GALNT9: variants seen among roughly 807,000 people sequenced by gnomAD.
GALNT9 encodes polypeptide N-acetylgalactosaminyltransferase 9.
Under a neutral mutation model 63.1 loss-of-function variants are expected in GALNT9, and 47 were observed. That is an observed-to-expected ratio of 0.75 (90% CI 0.59 to 0.95). The LOEUF (loss-of-function observed/expected upper bound fraction) is 0.95, where lower values mean the gene tolerates loss of function less well. Ranked by LOEUF, GALNT9 falls within the 40% of genes least tolerant of loss-of-function variation. GALNT9 has a pLI of 0.00. For synonymous variants in GALNT9, 396 were observed against 365.7 expected (o/e 1.08, Z -0.94); for missense variants, 829 against 874.8 (o/e 0.95, Z 0.66).
At chr12:132,325,510 A>T (rs1320538082) in intron 1 of GALNT9, among the ~76,000 whole-genome samples, 2 of 152,182 alleles carry the variant, frequency 1.3e-5, no homozygotes, top group East Asian at 3.9e-4. Context: ...ATGAGCGTGC[A>T]ATGAGCGTGC....
intron 6 of GALNT9, among the ~76,000 whole-genome samples, chr12:132,228,843 G>C (rs1877797344): frequency 6.6e-6 from 1 of 152,184 alleles, no homozygotes; most frequent in Non-Finnish European, 1.5e-5. Context: ...AGACGCGATG[G>C]ACTCATTTTC....
intron 5 of GALNT9, 140 bp from the exon 6 acceptor site, chr12:132,248,167 C>T: frequency 7.5e-7 from 1 of 1,328,264 alleles, no homozygotes; most frequent in Non-Finnish European, 1.0e-6. Flanking sequence ...GGTCCCTGTG[C>T]TCAAGGTGAG....
Position 132,286,593 on chromosome 12 carries a change from G to T in GALNT9, c.239-163C>A. Reference sequence around the variant, plus strand: ...CTGCCAGCTCAGGACATTCCAGAAAGTGCAAGGCTGTGCGCGGAGTGAGAG... The same window carrying T: ...CTGCCAGCTCAGGACATTCCAGAAATTGCAAGGCTGTGCGCGGAGTGAGAG... On this transcript the variant is annotated intron_variant, in intron 1 of 10. Transcript: ENST00000328957. This position sits in a 1 kb window ranked among gnomAD's most constrained non-coding sequence, Gnocchi z 7.4. The T allele has an allele frequency of 1.7e-6, 2 of 1,198,038 alleles. No homozygotes were observed. The highest frequency in any genetic ancestry group is 2.3e-6 in the Non-Finnish European group (2 of 885,674). 74.2% of individuals were successfully genotyped at this position (1,198,038 alleles called of 1,614,324 possible).
chr12:132,271,082 C>T (rs1264336424), intron 2 of GALNT9, among the ~76,000 whole-genome samples: 5 of 152,330 alleles, frequency 3.3e-5, no homozygotes, highest in East Asian at 1.9e-4. Flanking sequence ...CCATGACAGA[C>T]GCTGCGCCCG....
Position 132,295,809 on chromosome 12 carries a change from C to T in GALNT9, c.239-9379G>A, listed in dbSNP as rs537662620. 8.0e-5 allele frequency among the ~76,000 whole-genome samples: 11 copies of T among 137,166 alleles called. 1 individual carries two copies. Among genetic ancestry groups the T allele is most frequent in the African/African-American group, 2.6e-4 (9 of 35,200 alleles). The allele number at this position is 137,166 out of a possible 152,430, so 90.0% of individuals were successfully genotyped here. On this transcript the variant is annotated intron_variant, in intron 1 of 10. Coordinates refer to ENST00000328957, the MANE Select transcript of GALNT9 (RefSeq NM_001122636.2). ...ACAGCCTCTGAACAGGGACGGCCTC[C>T]GGAACAGGGAGAGCCTCCGAACAGG...
At chr12:132,323,822 C>T (rs1228696646) in intron 1 of GALNT9, among the ~76,000 whole-genome samples, 1 of 152,212 alleles carries the variant, frequency 6.6e-6, no homozygotes, top group African/African-American at 2.4e-5. Context: ...GGGGCGGGGG[C>T]CCGGAAGTTA....
chr12:132,322,153 C>T (rs113676077), intron 1 of GALNT9, among the ~76,000 whole-genome samples: 14 of 152,336 alleles, frequency 9.2e-5, no homozygotes, highest in South Asian at 6.2e-4. Flanking sequence ...TCCAGGTGGA[C>T]GTGAGCTTCC....
chr12:132,221,805 G>C (rs1593070835), intron 6 of GALNT9, among the ~76,000 whole-genome samples: 1 of 152,212 alleles, frequency 6.6e-6, no homozygotes, highest in East Asian at 1.9e-4. Flanking sequence ...AGCCGTTCCT[G>C]GTACTGCGCT....
At chr12:132,213,433 C>T (rs1254362877) in intron 6 of GALNT9, among the ~76,000 whole-genome samples, 3 of 151,970 alleles carry the variant, frequency 2.0e-5, no homozygotes, top group Non-Finnish European at 2.9e-5. Context: ...ATCACTCAGT[C>T]AAGCATACAC....
At chr12:132,258,455 C>T (rs1295138078) in intron 4 of GALNT9, among the ~76,000 whole-genome samples, 2 of 149,560 alleles carry the variant, frequency 1.3e-5, no homozygotes, top group East Asian at 1.9e-4. Context: ...GTGGAACCTG[C>T]ATGAGTGTGC....
intron 1 of GALNT9, among the ~76,000 whole-genome samples, chr12:132,307,669 T>TA (rs35267743): frequency 0.3 from 42,581 of 140,142 alleles, 6,581 homozygotes; most frequent in South Asian, 0.39. Context: ...TCATCTCTAC[T>TA]AAAAAAAAAA....
At chr12:132,271,646 A>G (rs1282982940) in intron 2 of GALNT9, among the ~76,000 whole-genome samples, 1 of 152,146 alleles carries the variant, frequency 6.6e-6, no homozygotes, top group East Asian at 1.9e-4. Flanking sequence ...GCGTTGGGGC[A>G]GCTGTGGCCT....
intron 6 of GALNT9, among the ~76,000 whole-genome samples, chr12:132,228,419 C>G (rs1230932186): frequency 6.8e-6 from 1 of 146,998 alleles, no homozygotes; most frequent in African/African-American, 2.5e-5. Context: ...CCCGTCAGCA[C>G]CTCCTCGCTC....
At chr12:132,212,002 C>T (rs1032159458) in intron 6 of GALNT9, among the ~76,000 whole-genome samples, 2 of 152,228 alleles carry the variant, frequency 1.3e-5, no homozygotes, top group Non-Finnish European at 2.9e-5. Flanking sequence ...GTGATGCTTG[C>T]GTCAGTGGAC....
At position 132,203,765 on chromosome 12, in the gene GALNT9, A is replaced by C. The variant is rs1876407740; in HGVS notation, c.1078-75T>G. 3 of 1,507,526 alleles carry C rather than the reference A, an allele frequency of 2.0e-6. No homozygotes were observed. In the African/African-American group the frequency reaches 4.6e-5, roughly 23 times the overall value. 93.4% of individuals were successfully genotyped at this position (1,507,526 alleles called of 1,614,324 possible). A position where few individuals can be genotyped will look rare whatever the true frequency, so the allele number is the denominator to read the frequency against. On this transcript the variant is annotated intron_variant, in intron 6 of 10. Transcript: ENST00000328957. ...CAGCCCGGCCAGCTAGGGGCCCGTG[A>C]GAGGCCAAGGGGCCCGGCCCTCTGT...
chr12:132,206,988 C>G (rs1049973044), intron 6 of GALNT9, among the ~76,000 whole-genome samples: 1 of 152,148 alleles, frequency 6.6e-6, no homozygotes, highest in Non-Finnish European at 1.5e-5. Context: ...TCACCTGAGC[C>G]CGGGAGGTTG....
intron 6 of GALNT9, among the ~76,000 whole-genome samples, chr12:132,211,279 A>G (rs1421044363): frequency 6.6e-6 from 1 of 152,202 alleles, no homozygotes; most frequent in African/African-American, 2.4e-5. Flanking sequence ...CCTGAAGCAC[A>G]GATATATTTA....
At chr12:132,300,428 C>T (rs1422106552) in intron 1 of GALNT9, among the ~76,000 whole-genome samples, 6 of 140,294 alleles carry the variant, frequency 4.3e-5, no homozygotes, top group Admixed American at 7.1e-5. Flanking sequence ...CCACACCTAA[C>T]GCACCCCTGA....
At chr12:132,222,953 TCACACCCCACACAACCCGCAC>T (rs1877520178) in intron 6 of GALNT9, among the ~76,000 whole-genome samples, 3 of 51,678 alleles carry the variant, frequency 5.8e-5, no homozygotes, top group Non-Finnish European at 9.8e-5. Context: ...ACCACACAAC[TCACACCCCACACAACCCGCAC>T]CCCACACAAC....
Sources: allele counts gnomAD v4.1 joint callset (sites outside exome capture counted in the v4.1 genomes callset), GRCh38; gene constraint gnomAD v4.1.1; non-coding constraint Gnocchi (gnomAD v3.1); transcripts MANE v1.5; gene names NCBI Gene and HGNC (gene_info 2026-07-23, HGNC 2026-07-21).